The following RASGRP3 variants were observed in gnomAD, a reference collection of about 807,000 sequenced individuals.
RASGRP3 encodes ras guanyl-releasing protein 3.
RASGRP3 carries 54 observed loss-of-function variants against 82.7 expected under a neutral mutation model. The ratio of observed to expected loss-of-function variants is 0.65; its 90% confidence interval spans 0.52 to 0.82. The LOEUF (loss-of-function observed/expected upper bound fraction) is 0.82, where lower values mean the gene tolerates loss of function less well. Among genes scored for constraint, RASGRP3 ranks in the 40% least tolerant of loss-of-function variants. RASGRP3 has a pLI of 0.00. For synonymous variants in RASGRP3, 309 were observed against 300.5 expected, an observed-to-expected ratio of 1.03 and a Z score of -0.29; for missense variants, 861 against 828.9, an observed-to-expected ratio of 1.04 and a Z score of -0.48.
chr2:33,476,060 T>A (rs1306565135), upstream of RASGRP3, among the ~76,000 whole-genome samples: 1 of 152,202 alleles, frequency 6.6e-6, no homozygotes, highest in East Asian at 1.9e-4. Flanking sequence ...CAGCGTCCCT[T>A]GGCTTAGCAG....
At chr2:33,555,486 G>T (rs1460802817) in intron 14 of RASGRP3, 45 bp from the exon 15 acceptor site, 2 of 1,537,576 alleles carry the variant, frequency 1.3e-6, no homozygotes, top group East Asian at 2.3e-5. Flanking sequence ...TTTCCTTCCA[G>T]ATCTATCCTC....
chr2:33,543,313 A>G (rs1674443601), intron 12 of RASGRP3, among the ~76,000 whole-genome samples, 199 bp from the exon 13 acceptor site: 2 of 152,170 alleles, frequency 1.3e-5, no homozygotes, highest in Non-Finnish European at 2.9e-5. Context: ...GAGCCACCAC[A>G]TCCAACCATT....
chr2:33,441,042 G>A (rs145568147), intron 1 of RASGRP3, among the ~76,000 whole-genome samples: 3 of 152,152 alleles, frequency 2.0e-5, no homozygotes, highest in South Asian at 2.1e-4. Context: ...GCAGGAACAC[G>A]CCACTGCACC....
chr2:33,542,916 T>C (rs1574468665), intron 12 of RASGRP3, among the ~76,000 whole-genome samples: 1 of 152,076 alleles, frequency 6.6e-6, no homozygotes, highest in East Asian at 1.9e-4. Flanking sequence ...TGGTCTTGAA[T>C]TCCTGACCTC....
At chr2:33,526,309 AT>A (rs1672562766) in intron 9 of RASGRP3, among the ~76,000 whole-genome samples, 1 of 152,180 alleles carries the variant, frequency 6.6e-6, no homozygotes, top group African/African-American at 2.4e-5. Context: ...ACTAATCAAA[AT>A]TGGGGTCTAC....
upstream of RASGRP3, chr2:33,476,370 C>T (rs765043000): frequency 6.6e-6 from 1 of 152,244 alleles, no homozygotes; most frequent in Admixed American, 6.5e-5. Flanking sequence ...ACACATTTAA[C>T]TTTCCACTTG....
intron 14 of RASGRP3, among the ~76,000 whole-genome samples, chr2:33,554,851 CT>C (rs1675765507): frequency 1.3e-5 from 2 of 152,152 alleles, no homozygotes; most frequent in Admixed American, 6.5e-5. Context: ...CCTGAACCCC[CT>C]GGGCAAACGC....
chr2:33,509,960 AT>A (rs1670779116), intron 1 of RASGRP3, among the ~76,000 whole-genome samples: 1 of 152,348 alleles, frequency 6.6e-6, no homozygotes, highest in South Asian at 2.1e-4. Context: ...TTAAAAAAAA[AT>A]CTCATGTCTG....
chr2:33,541,753 TC>T (rs1480208248), intron 12 of RASGRP3, among the ~76,000 whole-genome samples: 2 of 147,420 alleles, frequency 1.4e-5, no homozygotes, highest in African/African-American at 4.9e-5. Flanking sequence ...TTGACATTTA[TC>T]TTAAAATTTG....
At position 33,521,994 on chromosome 2, in the gene RASGRP3, A is replaced by G. The variant is rs769492016; in HGVS notation, c.408A>G (p.Lys136=). ...GGATGAGAAGAGTCACACAGAGGAA[A>G]AAAGTATCCAAGAAGGGAAAAGCCT... The part of the protein sequence containing the change: ...YDWMRRVTQR[K]KVSKKGKACL... Residue 136 remains lysine, a synonymous_variant, in exon 7 of 18, where the codon AAA becomes AAG. Coordinates refer to ENST00000403687, the MANE Select transcript of RASGRP3 (RefSeq NM_001139488.2). 6.2e-7 allele frequency: 1 copy of G among 1,613,926 alleles called. No homozygotes were observed. The highest frequency in any genetic ancestry group is 8.5e-7 in the Non-Finnish European group (1 of 1,179,846).
intron 2 of RASGRP3, among the ~76,000 whole-genome samples, chr2:33,470,086 T>C (rs1666965165): frequency 6.6e-6 from 1 of 152,150 alleles, no homozygotes; most frequent in Non-Finnish European, 1.5e-5. Context: ...AAATTTTCTT[T>C]ACCATTCTCA....
At chr2:33,447,172 G>T (rs565606283) in intron 1 of RASGRP3, among the ~76,000 whole-genome samples, 1 of 151,966 alleles carries the variant, frequency 6.6e-6, no homozygotes, top group African/African-American at 2.4e-5. Context: ...CTTCAGGGAA[G>T]GTCAAGAAAT....
upstream of RASGRP3, among the ~76,000 whole-genome samples, chr2:33,471,962 T>G (rs1357583507): frequency 1.3e-5 from 2 of 152,188 alleles, no homozygotes; most frequent in Admixed American, 6.5e-5. Context: ...TACACTTTTG[T>G]AATTAATGTA....
chr2:33,496,799 G>A (rs6719953), intron 1 of RASGRP3, among the ~76,000 whole-genome samples: 6,893 of 152,308 alleles, frequency 0.045, 498 homozygotes, highest in African/African-American at 0.15. Flanking sequence ...AGAGGTTGCA[G>A]TGAGCCAAGA....
intron 1 of RASGRP3, among the ~76,000 whole-genome samples, chr2:33,484,458 A>G (rs1236768735): frequency 6.6e-6 from 1 of 152,202 alleles, no homozygotes; most frequent in East Asian, 1.9e-4. Context: ...CTGTTTTTTA[A>G]AAGTAGAAAG....
chr2:33,496,920 T>C (rs1669379603), intron 1 of RASGRP3, among the ~76,000 whole-genome samples: 2 of 152,200 alleles, frequency 1.3e-5, no homozygotes, highest in African/African-American at 4.8e-5. Context: ...TTGCTTTAGA[T>C]GCATGAAAGC....
At chr2:33,513,282 T>C (rs936245506) in intron 2 of RASGRP3, among the ~76,000 whole-genome samples, 3 of 152,252 alleles carry the variant, frequency 2.0e-5, no homozygotes, top group African/African-American at 7.2e-5. Flanking sequence ...CCCAGAGTTA[T>C]GTGCCTGGTG....
intron 15 of RASGRP3, among the ~76,000 whole-genome samples, chr2:33,557,143 T>TTCTC (rs1181013647): frequency 6.6e-6 from 1 of 152,166 alleles, no homozygotes; most frequent in East Asian, 1.9e-4. Context: ...TATTCAATGA[T>TTCTC]TCTCAGTGAA....
chr2:33,450,263 T>A (rs779694669), intron 2 of RASGRP3, among the ~76,000 whole-genome samples: 6 of 152,204 alleles, frequency 3.9e-5, no homozygotes, highest in Non-Finnish European at 8.8e-5. Context: ...TTAAGATATA[T>A]CCTCTTAGCA....
Sources: allele counts gnomAD v4.1 joint callset (sites outside exome capture counted in the v4.1 genomes callset), GRCh38; gene constraint gnomAD v4.1.1; transcripts MANE v1.5; gene names NCBI Gene and HGNC (gene_info 2026-07-23, HGNC 2026-07-21).